Variants in ZEB2 observed in about 807,000 individuals in gnomAD.
ZEB2 encodes the protein zinc finger E-box binding homeobox 2, also known as zinc finger E-box-binding homeobox 2.
In ZEB2, 6 loss-of-function variants were observed where a neutral mutation model predicts 99.9. The ratio of observed to expected loss-of-function variants is 0.06; its 90% confidence interval spans 0.03 to 0.12. The LOEUF is 0.12. Among genes scored for constraint, ZEB2 ranks in the 10% least tolerant of loss-of-function variants. The pLI, the probability that ZEB2 is intolerant of heterozygous loss-of-function variation, is 1.00. For missense variants in ZEB2, 969 were observed against 1,502.8 expected (o/e 0.64, Z 5.87); for synonymous variants, 517 against 542.5 (o/e 0.95, Z 0.65).
chr2:144,385,139 T>A lies in ZEB2; in HGVS notation c.*4312A>T, dbSNP rs940242232. 6.6e-6 allele frequency: 1 copy of A among 152,192 alleles called. No individual in the cohort carries two copies. Among genetic ancestry groups the A allele is most frequent in the Admixed American group, 6.5e-5 (1 of 15,278 alleles). The allele number at this position is 152,192 out of a possible 1,614,324, so 9.4% of individuals were successfully genotyped here. A position where few individuals can be genotyped will look rare whatever the true frequency, so the allele number is the denominator to read the frequency against. On this transcript the variant is annotated 3_prime_UTR_variant, in exon 10 of 10. Coordinates refer to ENST00000627532, the MANE Select transcript of ZEB2 (RefSeq NM_014795.4). ...TTCAGAATTTATAGGAGTGCTTATATAAGCGATAATAATTGGACCAGTGTC... is the reference window on the plus strand; with the variant it reads ...TTCAGAATTTATAGGAGTGCTTATAAAAGCGATAATAATTGGACCAGTGTC...
intron 2 of ZEB2, chr2:144,464,262 A>G (rs1704240941): frequency 6.6e-6 from 1 of 152,178 alleles, no homozygotes; most frequent in Admixed American, 6.5e-5. Flanking sequence ...TCCCAAATTA[A>G]TGGGATTCTT....
chr2:144,476,484 A>G (rs1002901936), intron 2 of ZEB2, among the ~76,000 whole-genome samples: 2 of 152,194 alleles, frequency 1.3e-5, no homozygotes, highest in East Asian at 3.8e-4. Context: ...GTGATGGTGG[A>G]AAGGTAGAAT....
chr2:144,452,070 A>G (rs1170076534), intron 2 of ZEB2, among the ~76,000 whole-genome samples: 2 of 152,154 alleles, frequency 1.3e-5, no homozygotes, highest in Non-Finnish European at 2.9e-5. Flanking sequence ...GTCCACGGCT[A>G]GTTTCTAATG....
chr2:144,416,384 C>CGA (rs908527587), intron 4 of ZEB2, among the ~76,000 whole-genome samples: 9 of 152,192 alleles, frequency 5.9e-5, no homozygotes, highest in Non-Finnish European at 1.2e-4. Context: ...TTGTTGCAGA[C>CGA]TATGTTTTCA....
At chr2:144,510,165 C>A (rs1477760187) in intron 2 of ZEB2, among the ~76,000 whole-genome samples, 2 of 151,734 alleles carry the variant, frequency 1.3e-5, no homozygotes, top group Non-Finnish European at 2.9e-5. Flanking sequence ...CTTTTTGGCT[C>A]ATTTGAGAGT....
At chr2:144,435,403 T>TTTC (rs1703824260) in intron 2 of ZEB2, among the ~76,000 whole-genome samples, 1 of 151,678 alleles carries the variant, frequency 6.6e-6, no homozygotes, top group African/African-American at 2.4e-5. Context: ...AGGTCAGGAG[T>TTTC]TTGTGATCAG....
intron 2 of ZEB2, chr2:144,462,385 C>G (rs1704206037): frequency 6.6e-6 from 1 of 151,970 alleles, no homozygotes; most frequent in African/African-American, 2.4e-5. Flanking sequence ...TTCTCCCCTC[C>G]CCAGCAAAAA....
chr2:144,505,971 T>C (rs1437512755), intron 2 of ZEB2, among the ~76,000 whole-genome samples: 1 of 152,202 alleles, frequency 6.6e-6, no homozygotes, highest in Admixed American at 6.5e-5. Flanking sequence ...ACCATAATAA[T>C]TTGCAATCAG....
At chr2:144,515,828 C>A (rs1256307450) in intron 2 of ZEB2, 1 of 151,530 alleles carries the variant, frequency 6.6e-6, no homozygotes, top group East Asian at 1.9e-4. Flanking sequence ...AGAAAAGCAT[C>A]ATTTGTCTCT....
intron 2 of ZEB2, among the ~76,000 whole-genome samples, chr2:144,488,668 TGA>T (rs1704632919): frequency 2.4e-5 from 2 of 83,450 alleles, no homozygotes. Context: ...TGCTCGTGTG[TGA>T]GTGTGTGTGT....
In ZEB2 at chr2:144,474,041, G is replaced by A. The variant is rs146450060; in HGVS notation, c.73+43237C>T. 9.6e-4 allele frequency among the ~76,000 whole-genome samples: 146 copies of A among 152,234 alleles called. 2 individuals carry two copies. The East Asian group carries it at 0.025, about 26-fold the overall frequency. ...CTCCAGTGTCTAATCCTGGGTCATC[G>A]TTTGCAAATACACAGGCTCATTAAT... On this transcript the variant is annotated intron_variant, in intron 2 of 9. Coordinates refer to ENST00000627532, the MANE Select transcript of ZEB2 (RefSeq NM_014795.4).
intron 2 of ZEB2, among the ~76,000 whole-genome samples, chr2:144,500,222 A>G (rs753807651): frequency 6.6e-6 from 1 of 152,172 alleles, no homozygotes; most frequent in Non-Finnish European, 1.5e-5. Flanking sequence ...GTTTTGGGCA[A>G]GACATCTTAG....
At chr2:144,466,252 C>T (rs1278423828) in intron 2 of ZEB2, among the ~76,000 whole-genome samples, 1 of 152,134 alleles carries the variant, frequency 6.6e-6, no homozygotes, top group African/African-American at 2.4e-5. Flanking sequence ...GAAAAATAGG[C>T]ATCGTGCATA....
chr2:144,475,298 C>T (rs62169222), intron 2 of ZEB2, among the ~76,000 whole-genome samples: 2,348 of 152,246 alleles, frequency 0.015, 30 homozygotes, highest in Admixed American at 0.023. Flanking sequence ...GATTGACATC[C>T]TTGACTGTCT....
At chr2:144,458,792 T>A (rs1165293052) in intron 2 of ZEB2, among the ~76,000 whole-genome samples, 5 of 152,178 alleles carry the variant, frequency 3.3e-5, no homozygotes, top group Non-Finnish European at 7.4e-5. Context: ...AAGGTCTGGT[T>A]CCTGCAACTT....
intron 2 of ZEB2, among the ~76,000 whole-genome samples, chr2:144,452,699 C>T (rs182016675): frequency 1.3e-5 from 2 of 152,096 alleles, no homozygotes; most frequent in African/African-American, 2.4e-5. Context: ...CTCTCACCCC[C>T]CTGTCTTTTG....
At chr2:144,407,825 T>G (rs571626960) in intron 4 of ZEB2, among the ~76,000 whole-genome samples, 24 of 152,354 alleles carry the variant, frequency 1.6e-4, no homozygotes, top group African/African-American at 5.8e-4. Context: ...TGTAACCTAG[T>G]AAACATAGAT....
Position 144,429,263 on chromosome 2 carries a change from A to G in ZEB2, c.331+506T>C, listed in dbSNP as rs556351105. 10 of 169,176 alleles carry G rather than the reference A, an allele frequency of 5.9e-5. No homozygotes were observed. In the South Asian group the frequency reaches 1.3e-3, roughly 21 times the overall value. 10.5% of individuals were successfully genotyped at this position (169,176 alleles called of 1,614,324 possible). ...TGACCAGGTAAAAGTGTGAAATCAC[A>G]TTCACACTTAACAAAAGGGAATCAT... On this transcript the variant is annotated intron_variant, in intron 3 of 9. Transcript: ENST00000627532.
chr2:144,396,479 T>G lies in ZEB2; in HGVS notation c.3000A>C (p.Ala1000=). Reference sequence around the variant, plus strand: ...GGAATGTCTTGTCACATAAGTCACATGCATACATGCCACTCTCTGTCTTCT... The same window carrying G: ...GGAATGTCTTGTCACATAAGTCACAGGCATACATGCCACTCTCTGTCTTCT... ...KIKKTESGMY[A]CDLCDKTFQK... Residue 1000 remains alanine, a synonymous_variant, in exon 9 of 10, where the codon GCA becomes GCC. Coordinates refer to ENST00000627532, the MANE Select transcript of ZEB2 (RefSeq NM_014795.4). 1.9e-6 allele frequency: 3 copies of G among 1,614,186 alleles called. No homozygotes were observed. Among genetic ancestry groups the G allele is most frequent in the Non-Finnish European group, 1.7e-6 (2 of 1,180,008 alleles).
Sources: allele counts gnomAD v4.1 joint callset (sites outside exome capture counted in the v4.1 genomes callset), GRCh38; gene constraint gnomAD v4.1.1; transcripts MANE v1.5; gene names NCBI Gene and HGNC (gene_info 2026-07-23, HGNC 2026-07-21).